ADAMTS2: variants seen among roughly 807,000 people sequenced by gnomAD.
ADAMTS2 encodes the protein A disintegrin and metalloproteinase with thrombospondin motifs 2.
Under a neutral mutation model 123.0 loss-of-function variants are expected in ADAMTS2, and 50 were observed. That is an observed-to-expected ratio of 0.41 (90% confidence interval 0.32 to 0.51). The LOEUF (loss-of-function observed/expected upper bound fraction) is 0.51. Ranked by LOEUF, ADAMTS2 falls within the 20% of genes least tolerant of loss-of-function variation. ADAMTS2 has a pLI of 0.35. For synonymous variants in ADAMTS2, 678 were observed against 695.4 expected, an observed-to-expected ratio of 0.98 and a Z score of 0.39; for missense variants, 1,494 against 1,705.2, an observed-to-expected ratio of 0.88 and a Z score of 2.18.
intron 2 of ADAMTS2, among the ~76,000 whole-genome samples, chr5:179,338,861 G>A (rs1189688794): frequency 6.6e-6 from 1 of 152,168 alleles, no homozygotes; most frequent in African/African-American, 2.4e-5. Context: ...AGGCGTGGAG[G>A]GAAGCCGGGC....
At position 179,157,382 on chromosome 5, in the gene ADAMTS2, T is replaced by C. The variant is rs117683521; in HGVS notation, c.1132+1341A>G. ...AACAGCCAACAGCACTCTCATCACATGGTCAGGGCAACACCTGGCTGCGCT... is the reference window on the plus strand; with the variant it reads ...AACAGCCAACAGCACTCTCATCACACGGTCAGGGCAACACCTGGCTGCGCT... On this transcript the variant is annotated intron_variant, in intron 6 of 21. Coordinates refer to ENST00000251582, the MANE Select transcript of ADAMTS2 (RefSeq NM_014244.5). 1.0e-3 allele frequency among the ~76,000 whole-genome samples: 156 copies of C among 152,334 alleles called. 3 individuals carry two copies. The East Asian group carries it at 0.025, about 24-fold the overall frequency.
intron 2 of ADAMTS2, among the ~76,000 whole-genome samples, chr5:179,294,878 C>A (rs1478163091): frequency 6.6e-6 from 1 of 152,204 alleles, no homozygotes; most frequent in Non-Finnish European, 1.5e-5. Flanking sequence ...CTTTTCCACC[C>A]CAAATGCTGA....
At chr5:179,194,110 C>G (rs887801815) in intron 4 of ADAMTS2, among the ~76,000 whole-genome samples, 19 of 152,302 alleles carry the variant, frequency 1.2e-4, no homozygotes, top group African/African-American at 4.3e-4. Flanking sequence ...CAGTTCCCCG[C>G]GGGAGGCCAA....
At chr5:179,311,608 C>T (rs79537140) in intron 2 of ADAMTS2, among the ~76,000 whole-genome samples, 4,153 of 152,296 alleles carry the variant, frequency 0.027, 178 homozygotes, top group African/African-American at 0.095. Context: ...TCTGATCACC[C>T]TTGATATCTG....
At chr5:179,215,280 C>T (rs947547609) in intron 3 of ADAMTS2, among the ~76,000 whole-genome samples, 7 of 152,128 alleles carry the variant, frequency 4.6e-5, no homozygotes, top group Non-Finnish European at 8.8e-5. Context: ...GAAACCCTAT[C>T]TCTACTAAAA....
At chr5:179,161,625 A>C (rs1469965201) in intron 5 of ADAMTS2, among the ~76,000 whole-genome samples, 4 of 152,206 alleles carry the variant, frequency 2.6e-5, no homozygotes, top group African/African-American at 9.6e-5. Flanking sequence ...ATAGTGCCGG[A>C]AAGCGCCTGG....
intron 10 of ADAMTS2, among the ~76,000 whole-genome samples, chr5:179,141,743 A>C (rs1763174958): frequency 6.6e-6 from 1 of 152,158 alleles, no homozygotes; most frequent in Non-Finnish European, 1.5e-5. Context: ...CATACTGAGA[A>C]ACCCAGGCCA....
intron 3 of ADAMTS2, among the ~76,000 whole-genome samples, chr5:179,244,084 G>A (rs1355079306): frequency 5.3e-5 from 8 of 152,204 alleles, no homozygotes; most frequent in Admixed American, 2.6e-4. Flanking sequence ...AGGCAAGTGA[G>A]TATAAAGGAG....
At chr5:179,145,875 G>A (rs1186559528) in intron 10 of ADAMTS2, among the ~76,000 whole-genome samples, 1 of 152,112 alleles carries the variant, frequency 6.6e-6, no homozygotes, top group Non-Finnish European at 1.5e-5. Context: ...TTTTTGAGAC[G>A]AAGTTTCGCT....
intron 19 of ADAMTS2, among the ~76,000 whole-genome samples, chr5:179,123,584 T>A (rs1762799135): frequency 6.6e-6 from 1 of 152,034 alleles, no homozygotes; most frequent in Non-Finnish European, 1.5e-5. Flanking sequence ...CGCCACCACA[T>A]CTGGCTAATT....
At chr5:179,211,447 G>A (rs192102417) in intron 3 of ADAMTS2, among the ~76,000 whole-genome samples, 3 of 152,332 alleles carry the variant, frequency 2.0e-5, no homozygotes, top group South Asian at 4.1e-4. Flanking sequence ...TCTGTGGCAG[G>A]ATCCCATCTT....
chr5:179,139,225 C>G (rs1222065636), intron 11 of ADAMTS2, among the ~76,000 whole-genome samples: 2 of 151,952 alleles, frequency 1.3e-5, no homozygotes, highest in African/African-American at 4.8e-5. Flanking sequence ...GGTGAGCGTT[C>G]AGGCAGGAGG....
rs1170753667 is a variant in ADAMTS2, at chr5:179,260,125, C to T, written c.688+12786G>A. 6.6e-6 allele frequency among the ~76,000 whole-genome samples: 1 copy of T among 152,098 alleles called. No individual in the cohort carries two copies. The highest frequency in any genetic ancestry group is 1.5e-5 in the Non-Finnish European group (1 of 68,014). On this transcript the variant is annotated intron_variant, in intron 3 of 21. Coordinates refer to ENST00000251582, the MANE Select transcript of ADAMTS2 (RefSeq NM_014244.5). The surrounding 1 kb of genome is among the most constrained non-coding windows in gnomAD (Gnocchi z 4.2). ...CAAAGGCCCAGGGCCACCCAATGTCCCATGGGCCCATGGGACCAGTAGCCA... is the reference window on the plus strand; with the variant it reads ...CAAAGGCCCAGGGCCACCCAATGTCTCATGGGCCCATGGGACCAGTAGCCA...
intron 3 of ADAMTS2, among the ~76,000 whole-genome samples, chr5:179,212,180 C>T (rs180749441): frequency 3.9e-5 from 6 of 152,182 alleles, no homozygotes; most frequent in Non-Finnish European, 8.8e-5. Context: ...ATGGTGCGGG[C>T]TCTGAGGGTG....
intron 2 of ADAMTS2, among the ~76,000 whole-genome samples, chr5:179,294,845 T>C (rs943127460): frequency 2.0e-5 from 3 of 152,242 alleles, no homozygotes; most frequent in African/African-American, 7.2e-5. Context: ...ACTTAGGTCA[T>C]GTATACACTC....
intron 4 of ADAMTS2, among the ~76,000 whole-genome samples, chr5:179,190,952 C>G (rs1288036279): frequency 1.3e-5 from 2 of 152,268 alleles, no homozygotes; most frequent in African/African-American, 4.8e-5. Context: ...CGAGTGTGAC[C>G]CAGCCCTGGA....
At chr5:179,319,247 A>G (rs906850968) in intron 2 of ADAMTS2, among the ~76,000 whole-genome samples, 6 of 152,168 alleles carry the variant, frequency 3.9e-5, no homozygotes, top group Admixed American at 3.9e-4. Context: ...TGCATCACAT[A>G]CACATGTCCA....
At chr5:179,199,541 C>G (rs1233187645) in intron 4 of ADAMTS2, among the ~76,000 whole-genome samples, 1 of 152,196 alleles carries the variant, frequency 6.6e-6, no homozygotes, top group Non-Finnish European at 1.5e-5. Context: ...CTCTACTTCC[C>G]CAGACGCCCT....
chr5:179,201,652 A>AAAAAAAG (rs1764569007), intron 4 of ADAMTS2, among the ~76,000 whole-genome samples: 1 of 150,102 alleles, frequency 6.7e-6, no homozygotes, highest in East Asian at 2.0e-4. Context: ...AAAAAAAAAA[A>AAAAAAAG]TTAGACGGCC....
Sources: allele counts gnomAD v4.1 joint callset (sites outside exome capture counted in the v4.1 genomes callset), GRCh38; gene constraint gnomAD v4.1.1; non-coding constraint Gnocchi (gnomAD v3.1); transcripts MANE v1.5; gene names NCBI Gene and HGNC (gene_info 2026-07-23, HGNC 2026-07-21).